The following CINP variants were observed in gnomAD, a reference collection of about 807,000 sequenced individuals.
CINP encodes cyclin-dependent kinase 2-interacting protein.
CINP carries 11 observed loss-of-function variants against 20.5 expected under a neutral mutation model. That is an observed-to-expected ratio of 0.54 (90% CI 0.34 to 0.89). The LOEUF is 0.89. Ranked by LOEUF, CINP falls within the 40% of genes least tolerant of loss-of-function variation. CINP has a pLI of 0.02. For missense variants in CINP, 213 were observed against 251.0 expected (o/e 0.85, Z 1.02); for synonymous variants, 108 against 102.1 (o/e 1.06, Z -0.35).
chr14:102,355,560 G>A lies in CINP; in HGVS notation c.306+208C>T, dbSNP rs1427413895. Reference sequence around the variant, plus strand: ...TACTATGTGATGAGCCCTGAAAGTGGGTGACATTTCCCCGGATGACGCACA... The same window carrying A: ...TACTATGTGATGAGCCCTGAAAGTGAGTGACATTTCCCCGGATGACGCACA... On this transcript the variant is annotated intron_variant, in intron 3 of 4. Coordinates refer to ENST00000216756, the MANE Select transcript of CINP (RefSeq NM_032630.3). 4 of 515,122 alleles carry A rather than the reference G, an allele frequency of 7.8e-6. No homozygotes were observed. In the Middle Eastern group the frequency reaches 2.0e-3, roughly 263 times the overall value. 31.9% of individuals were successfully genotyped at this position (515,122 alleles called of 1,614,324 possible).
chr14:102,351,320 G>A lies in CINP; in HGVS notation c.307-1272C>T, dbSNP rs1215945613. 2.6e-5 allele frequency among the ~76,000 whole-genome samples: 4 copies of A among 152,194 alleles called. No homozygotes were observed. The highest frequency in any genetic ancestry group is 5.9e-5 in the Non-Finnish European group (4 of 68,040). The stretch of plus-strand genomic sequence containing the variant: ...AACTGCATGATGTGTATGGCTACTT[G>A]TGGGAGACACTAAACCAACCCCACT... On this transcript the variant is annotated intron_variant, in intron 3 of 4. Transcript: ENST00000216756. This position sits in a 1 kb window ranked among gnomAD's most constrained non-coding sequence, Gnocchi z 4.2.
At chr14:102,352,540 G>C (rs1886891109) in intron 3 of CINP, 1 of 455,884 alleles carries the variant, frequency 2.2e-6, no homozygotes, top group South Asian at 1.5e-5. Flanking sequence ...CACAGACCAG[G>C]TCTGGAAACC....
chr14:102,350,013 T>C lies in CINP; in HGVS notation c.342A>G (p.Ser114=). 6.2e-7 allele frequency: 1 copy of C among 1,613,844 alleles called. No individual in the cohort carries two copies. Reference sequence around the variant, plus strand: ...CTAGTTCACAAATTCCCTTGGTAGTTGAAGACAGCTTTTCCATTTTCACCT... The same window carrying C: ...CTAGTTCACAAATTCCCTTGGTAGTCGAAGACAGCTTTTCCATTTTCACCT... ...KIQVKMEKLS[S]TTKGICELEN... is the part of the protein sequence containing the mutation. Residue 114 remains serine, a synonymous_variant, in exon 4 of 5, where the codon TCA becomes TCG. Coordinates refer to ENST00000216756, the MANE Select transcript of CINP (RefSeq NM_032630.3).
intron 1 of CINP, among the ~76,000 whole-genome samples, chr14:102,361,121 C>T (rs908099333): frequency 8.6e-5 from 13 of 151,956 alleles, no homozygotes; most frequent in African/African-American, 3.1e-4. Flanking sequence ...AGTGTGATCC[C>T]CTGAGAAGGT....
At chr14:102,354,408 A>G (rs1886948052) in intron 3 of CINP, among the ~76,000 whole-genome samples, 1 of 152,216 alleles carries the variant, frequency 6.6e-6, no homozygotes, top group Non-Finnish European at 1.5e-5. Flanking sequence ...CAAAAGGACA[A>G]TAGTGATTGT....
At chr14:102,360,972 TG>T (rs1372025350) in intron 1 of CINP, among the ~76,000 whole-genome samples, 2 of 152,188 alleles carry the variant, frequency 1.3e-5, no homozygotes, top group Admixed American at 1.3e-4. Flanking sequence ...CATGGGGGAA[TG>T]AAGTGATTGA....
At chr14:102,357,458 A>G (rs1597749645) in intron 2 of CINP, among the ~76,000 whole-genome samples, 1 of 152,120 alleles carries the variant, frequency 6.6e-6, no homozygotes, top group East Asian at 1.9e-4. Context: ...CAAGTTGTGA[A>G]GGCAAAGGAA....
At chr14:102,355,999 G>T in intron 2 of CINP, 102 bp from the exon 3 acceptor site, 1 of 1,217,170 alleles carries the variant, frequency 8.2e-7, no homozygotes, top group Non-Finnish European at 1.1e-6. Context: ...TAGTTACGTG[G>T]GACATTTTGC....
intron 1 of CINP, among the ~76,000 whole-genome samples, chr14:102,360,149 C>T (rs1051895969): frequency 1.7e-4 from 26 of 152,136 alleles, no homozygotes; most frequent in Non-Finnish European, 2.9e-5. Context: ...CCCTCCACAT[C>T]ATCACGTACA....
intron 2 of CINP, among the ~76,000 whole-genome samples, 192 bp downstream of exon 2, chr14:102,359,227 A>AATAAATAT (rs1555446396): frequency 8.7e-6 from 1 of 115,434 alleles, no homozygotes; most frequent in African/African-American, 3.2e-5. Context: ...TAAATAACTA[A>AATAAATAT]ATATATATAT....
At chr14:102,361,503 T>C (rs1273139547) in intron 1 of CINP, among the ~76,000 whole-genome samples, 3 of 151,904 alleles carry the variant, frequency 2.0e-5, no homozygotes, top group Non-Finnish European at 2.9e-5. Flanking sequence ...CAGCCGGGCG[T>C]GGTGGCGGGC....
chr14:102,350,557 T>A (rs1886843508), intron 3 of CINP, among the ~76,000 whole-genome samples: 1 of 152,030 alleles, frequency 6.6e-6, no homozygotes, highest in Admixed American at 6.6e-5. Context: ...TCTCGTTATG[T>A]TGCCCAGGCT....
chr14:102,355,599 T>A, intron 3 of CINP, 169 bp downstream of exon 3: 1 of 695,178 alleles, frequency 1.4e-6, no homozygotes, highest in East Asian at 2.6e-5. Flanking sequence ...GGAGTGAGTG[T>A]CTAAGACAGC....
Position 102,348,501 on chromosome 14 carries a change from G to T in CINP, c.*56C>A. 2 of 1,501,316 alleles carry T rather than the reference G, an allele frequency of 1.3e-6. No individual in the cohort carries two copies. Among genetic ancestry groups the T allele is most frequent in the South Asian group, 2.4e-5 (2 of 84,674 alleles). 93.0% of individuals were successfully genotyped at this position (1,501,316 alleles called of 1,614,324 possible). ...GGCCTGCGGCACTGGGTCCTAGGCAGACTGTCTGCCTGGTGAGACGTGGAA... is the reference window on the plus strand; with the variant it reads ...GGCCTGCGGCACTGGGTCCTAGGCATACTGTCTGCCTGGTGAGACGTGGAA... On this transcript the variant is annotated 3_prime_UTR_variant, in exon 5 of 5. Transcript: ENST00000216756.
chr14:102,359,388 C>T (rs764320590), intron 2 of CINP, 31 bp downstream of exon 2: 1 of 1,511,556 alleles, frequency 6.6e-7, no homozygotes, highest in Non-Finnish European at 8.9e-7. Context: ...GGGTGAAAAA[C>T]TTAGAGCATG....
chr14:102,359,227 A>ATATATATATATAT (rs1887072544), intron 2 of CINP, among the ~76,000 whole-genome samples, 192 bp downstream of exon 2: 7 of 115,432 alleles, frequency 6.1e-5, no homozygotes, highest in South Asian at 2.8e-4. Flanking sequence ...TAAATAACTA[A>ATATATATATATAT]ATATATATAT....
chr14:102,348,836 C>T, intron 4 of CINP, 77 bp from the exon 5 acceptor site: 6 of 1,366,180 alleles, frequency 4.4e-6, no homozygotes, highest in Non-Finnish European at 6.1e-6. Context: ...TACATTTTAA[C>T]AGCTCTTGAT....
intron 3 of CINP, among the ~76,000 whole-genome samples, chr14:102,354,389 G>A (rs1326252574): frequency 6.6e-6 from 1 of 152,164 alleles, no homozygotes; most frequent in Non-Finnish European, 1.5e-5. Context: ...TTAAATGGTT[G>A]AAAATAACCA....
At position 102,350,677 on chromosome 14, in the gene CINP, G is replaced by A. The variant is rs532518024; in HGVS notation, c.307-629C>T. Among the ~76,000 whole-genome samples the A allele has an allele frequency of 7.9e-5, 12 of 152,112 alleles. No homozygotes were observed. In the East Asian group the frequency reaches 2.3e-3, roughly 30 times the overall value. On this transcript the variant is annotated intron_variant, in intron 3 of 4. Transcript: ENST00000216756. ...GGCTGGCTCTTGCTGCTTTTAAGAA[G>A]TGAGAGAGAAAGGCATCAAATGAGC... is the stretch of plus-strand genomic sequence containing the variant.
Sources: gnomAD v4.1 joint callset for allele counts (sites outside exome capture counted in the v4.1 genomes callset) on GRCh38, gnomAD v4.1.1 for gene constraint, Gnocchi (gnomAD v3.1) non-coding constraint, MANE v1.5 for transcripts, NCBI Gene and HGNC (gene_info 2026-07-23, HGNC 2026-07-21) for gene names.